Variants in IBTK observed in about 807,000 individuals in gnomAD.
The protein encoded by IBTK is BTK-binding protein.
IBTK carries 83 observed loss-of-function variants against 154.9 expected under a neutral mutation model. That is an observed-to-expected ratio of 0.54 (90% CI 0.45 to 0.64). The LOEUF (loss-of-function observed/expected upper bound fraction) is 0.64, where lower values mean the gene tolerates loss of function less well. IBTK is among the 30% of genes least tolerant of loss of function. IBTK has a pLI of 0.00. For synonymous variants in IBTK, 515 were observed against 536.1 expected (o/e 0.96, Z 0.54); for missense variants, 1,332 against 1,584.6 (o/e 0.84, Z 2.71).
intron 4 of IBTK, among the ~76,000 whole-genome samples, chr6:82,228,017 A>AT (rs1240071032): frequency 1.3e-5 from 2 of 152,090 alleles, no homozygotes; most frequent in Admixed American, 6.6e-5. Flanking sequence ...GCAGAACACA[A>AT]TAACAGGAAA....
intron 23 of IBTK, among the ~76,000 whole-genome samples, chr6:82,192,866 G>A (rs548297803): frequency 2.6e-5 from 4 of 152,136 alleles, no homozygotes; most frequent in South Asian, 2.1e-4. Context: ...TTGGGAGGCC[G>A]AGGTGGGCGG....
chr6:82,220,550 C>A, intron 9 of IBTK, 40 bp downstream of exon 9: 1 of 1,558,630 alleles, frequency 6.4e-7, no homozygotes. Context: ...CAGCTATCAA[C>A]TGAGAGTAAG....
At chr6:82,201,744 A>G (rs1483365899) in intron 18 of IBTK, among the ~76,000 whole-genome samples, 3 of 151,000 alleles carry the variant, frequency 2.0e-5, no homozygotes, top group Non-Finnish European at 4.4e-5. Context: ...TTTTTTTGAG[A>G]TGGAGTCTCA....
At chr6:82,175,657 CA>C (rs1464341636) in intron 26 of IBTK, among the ~76,000 whole-genome samples, 1 of 152,136 alleles carries the variant, frequency 6.6e-6, no homozygotes, top group Non-Finnish European at 1.5e-5. Flanking sequence ...GTAGATATCG[CA>C]AGAGACAATC....
At chr6:82,209,483 T>C (rs1374769255) in intron 16 of IBTK, among the ~76,000 whole-genome samples, 2 of 152,340 alleles carry the variant, frequency 1.3e-5, no homozygotes, top group Middle Eastern at 6.8e-3. Context: ...TGTTGTTTGA[T>C]TGTATTTATA....
chr6:82,200,754 T>A (rs1259965412), intron 19 of IBTK, 46 bp from the exon 20 acceptor site: 1 of 214,954 alleles, frequency 4.7e-6, no homozygotes, highest in Non-Finnish European at 5.8e-6. Context: ...ATCTGTGAAG[T>A]TTTTTTTTTT....
At chr6:82,172,654 A>G in intron 27 of IBTK, 142 bp from the exon 28 acceptor site, 1 of 654,236 alleles carries the variant, frequency 1.5e-6, no homozygotes, top group Non-Finnish European at 2.4e-6. Context: ...CAGAGATTAC[A>G]GAATGATGAG....
intron 25 of IBTK, among the ~76,000 whole-genome samples, chr6:82,185,567 A>G (rs1167862475): frequency 6.7e-6 from 1 of 149,566 alleles, no homozygotes; most frequent in African/African-American, 2.5e-5. Context: ...CTTTAAAACC[A>G]ATGCATACGA....
At position 82,194,609 on chromosome 6, in the gene IBTK, G is replaced by A; in HGVS notation, c.3208C>T (p.Pro1070Ser). The change falls in exon 23 of 29, where the codon CCT (proline) becomes TCT (serine). Residue 1070 changes from proline to serine, a missense_variant. Coordinates refer to ENST00000306270, the MANE Select transcript of IBTK (RefSeq NM_015525.4). ...KVKPYVNGTS[P>S]VYSREDLKPW... is the part of the protein sequence containing the mutation. ...TTTAAATCTTCCCTAGAATACACAG[G>A]AGATGTACCATTAACATACGGTTTG... 1 of 1,600,254 alleles carries A rather than the reference G, an allele frequency of 6.2e-7. No homozygotes were observed. Among genetic ancestry groups the A allele is most frequent in the Non-Finnish European group, 8.5e-7 (1 of 1,174,400 alleles).
At chr6:82,171,746 G>A (rs1767934487) in intron 28 of IBTK, among the ~76,000 whole-genome samples, 190 bp from the exon 29 acceptor site, 1 of 152,314 alleles carries the variant, frequency 6.6e-6, no homozygotes, top group East Asian at 1.9e-4. Flanking sequence ...AGCTTGAGGT[G>A]TGAGGTAGAA....
At chr6:82,175,231 G>A (rs796656942) in intron 26 of IBTK, among the ~76,000 whole-genome samples, 95 of 152,214 alleles carry the variant, frequency 6.2e-4, no homozygotes, top group African/African-American at 2.2e-3. Flanking sequence ...AAAAGCAGAG[G>A]TTTTTAGGTT....
chr6:82,175,321 G>C (rs1768070083), intron 26 of IBTK, among the ~76,000 whole-genome samples: 2 of 152,056 alleles, frequency 1.3e-5, no homozygotes, highest in Admixed American at 1.3e-4. Flanking sequence ...CTTGTAGTAA[G>C]CCTGCATGAT....
At position 82,191,806 on chromosome 6, in the gene IBTK, T is replaced by C; in HGVS notation, c.3412A>G (p.Thr1138Ala). Residue 1138 changes from threonine (T) to alanine (A), a missense_variant, in exon 24 of 29, where the codon ACA (threonine) becomes GCA (alanine). Thr to Ala is a moderately conservative substitution (Grantham distance 58). Around this residue, in one of 3 missense-constraint regions of IBTK, gnomAD observed 1,134 missense variants for 1,274.7 expected, o/e 0.89. Transcript: ENST00000306270. The part of the protein sequence containing the change: ...IEESRQKCGA[T>A]PKSHLGKTVS... The stretch of plus-strand genomic sequence containing the variant: ...ACCCACCCTAAATGTGACTTTGGTG[T>C]AGCTCCACATTTTTGTCTACTTTCT... 1 of 1,604,108 alleles carries C rather than the reference T, an allele frequency of 6.2e-7. No individual in the cohort carries two copies. The highest frequency in any genetic ancestry group is 8.5e-7 in the Non-Finnish European group (1 of 1,171,094).
At chr6:82,194,113 C>T (rs751166971) in intron 23 of IBTK, among the ~76,000 whole-genome samples, 2 of 152,066 alleles carry the variant, frequency 1.3e-5, no homozygotes, top group African/African-American at 4.8e-5. Flanking sequence ...ATTTTAAATA[C>T]CCCTTCACAT....
chr6:82,217,906 A>T (rs777328928), intron 10 of IBTK, 54 bp downstream of exon 10: 62 of 1,237,532 alleles, frequency 5.0e-5, no homozygotes, highest in Non-Finnish European at 6.9e-5. Context: ...ATACTTGTCA[A>T]ATTAAAGGAT....
chr6:82,198,383 A>ATAGCT (rs1056625172), intron 21 of IBTK, among the ~76,000 whole-genome samples: 1 of 152,130 alleles, frequency 6.6e-6, no homozygotes, highest in Admixed American at 6.5e-5. Context: ...TCCTAAGATA[A>ATAGCT]TAGCTTTCCC....
chr6:82,204,915 A>T lies in IBTK; in HGVS notation c.2553T>A (p.Ala851=). The change falls in exon 17 of 29, where the codon GCT becomes GCA. Residue 851 remains alanine (A), a synonymous_variant. Coordinates refer to ENST00000306270, the MANE Select transcript of IBTK (RefSeq NM_015525.4). ...VDFICSVLVV[A]DQLLITRLKE... is the part of the protein sequence containing the mutation. ...TCAACCGGGTTATGAGAAGTTGATC[A>T]GCCACCACAAGAACACTACAAATAA... 1.2e-6 allele frequency: 2 copies of T among 1,608,498 alleles called. No individual in the cohort carries two copies. Among genetic ancestry groups the T allele is most frequent in the Non-Finnish European group, 1.7e-6 (2 of 1,176,960 alleles).
chr6:82,230,319 G>A (rs1047705361), intron 4 of IBTK, among the ~76,000 whole-genome samples: 1 of 152,196 alleles, frequency 6.6e-6, no homozygotes, highest in Non-Finnish European at 1.5e-5. Flanking sequence ...TGTAGGAAAT[G>A]TAAGTTGAAA....
chr6:82,225,696 A>G, intron 5 of IBTK, 49 bp from the exon 6 acceptor site: 1 of 1,348,504 alleles, frequency 7.4e-7, no homozygotes, highest in Non-Finnish European at 1.0e-6. Flanking sequence ...ATTTATACAG[A>G]TATGCAAATA....
Sources: allele counts gnomAD v4.1 joint callset (sites outside exome capture counted in the v4.1 genomes callset), GRCh38; gene constraint gnomAD v4.1.1; regional missense constraint gnomAD v4.1.1; transcripts MANE v1.5; gene names NCBI Gene and HGNC (gene_info 2026-07-23, HGNC 2026-07-21).